Variants in TRPM3 observed in about 807,000 individuals in gnomAD.
The protein encoded by TRPM3 is long transient receptor potential channel 3.
TRPM3 carries 77 observed loss-of-function variants against 181.2 expected under a neutral mutation model. That is an observed-to-expected ratio of 0.42 (90% confidence interval 0.35 to 0.51). TRPM3 has a LOEUF of 0.51. Ranked by LOEUF, TRPM3 falls within the 20% of genes least tolerant of loss-of-function variation. The pLI is 0.01. For missense variants in TRPM3, 1,759 were observed against 2,196.7 expected, an observed-to-expected ratio of 0.80 and a Z score of 3.98; for synonymous variants, 745 against 796.4, an observed-to-expected ratio of 0.94 and a Z score of 1.09.
intron 1 of TRPM3, among the ~76,000 whole-genome samples, chr9:71,202,356 T>C (rs1015689257): frequency 6.6e-6 from 1 of 152,138 alleles, no homozygotes; most frequent in Non-Finnish European, 1.5e-5. Context: ...ACTGCTCTCT[T>C]CAAAGATGTC....
At chr9:70,789,859 C>T (rs977344446) in intron 6 of TRPM3, among the ~76,000 whole-genome samples, 26 of 152,206 alleles carry the variant, frequency 1.7e-4, no homozygotes, top group African/African-American at 6.0e-4. Flanking sequence ...CATTTTGTTT[C>T]AACTGCTAGG....
intron 1 of TRPM3, chr9:70,917,644 T>C: frequency 2.3e-6 from 1 of 428,428 alleles, no homozygotes. Context: ...ACAGAGTAAA[T>C]ACACAAAAAT....
At chr9:71,348,474 A>C (rs2132649551) in intron 1 of TRPM3, among the ~76,000 whole-genome samples, 1 of 150,340 alleles carries the variant, frequency 6.7e-6, no homozygotes, top group Non-Finnish European at 1.5e-5. Context: ...TTTTTTGCAG[A>C]TAGAGAAATT....
At chr9:71,136,842 ACT>A (rs2074795873) in intron 1 of TRPM3, among the ~76,000 whole-genome samples, 1 of 152,204 alleles carries the variant, frequency 6.6e-6, no homozygotes, top group Non-Finnish European at 1.5e-5. Context: ...CCCATGGCGC[ACT>A]TTGAAGACAG....
intron 1 of TRPM3, among the ~76,000 whole-genome samples, chr9:71,308,234 T>C (rs923031726): frequency 6.6e-6 from 1 of 152,168 alleles, no homozygotes; most frequent in Non-Finnish European, 1.5e-5. Flanking sequence ...ATAATTTATA[T>C]TTATATTCAA....
At chr9:70,672,376 T>C (rs1016364990) in intron 9 of TRPM3, among the ~76,000 whole-genome samples, 3 of 152,206 alleles carry the variant, frequency 2.0e-5, no homozygotes, top group Non-Finnish European at 4.4e-5. Context: ...TCATGATCAC[T>C]CTGTCTAACC....
intron 1 of TRPM3, among the ~76,000 whole-genome samples, chr9:71,029,817 A>T (rs1200511208): frequency 6.6e-6 from 1 of 152,222 alleles, no homozygotes; most frequent in Admixed American, 6.5e-5. Context: ...ACAAATAAAC[A>T]GATAACTGGA....
At chr9:70,917,148 G>T in intron 1 of TRPM3, 4 of 1,605,720 alleles carry the variant, frequency 2.5e-6, no homozygotes, top group Non-Finnish European at 3.4e-6. Context: ...GCCACATCTG[G>T]GGCATACTGG....
At chr9:70,914,859 C>A (rs1242948453) in intron 1 of TRPM3, among the ~76,000 whole-genome samples, 3 of 152,224 alleles carry the variant, frequency 2.0e-5, no homozygotes, top group Admixed American at 2.0e-4. Flanking sequence ...GACAGTACCT[C>A]CATGAGTTTG....
chr9:70,620,000 G>T, intron 16 of TRPM3, 76 bp downstream of exon 16: 2 of 1,452,162 alleles, frequency 1.4e-6, no homozygotes, highest in Non-Finnish European at 9.4e-7. Flanking sequence ...GTTCTGAGTA[G>T]CTCAGACTCT....
intron 1 of TRPM3, among the ~76,000 whole-genome samples, chr9:71,133,973 TTGTGTGTGTGTGTGTGTG>T (rs72198070): frequency 0.017 from 2,514 of 148,570 alleles, 82 homozygotes; most frequent in African/African-American, 0.058. Flanking sequence ...CTGTGTGTGT[TTGTGTGTGTGTGTGTGTG>T]TGTGTGTGTG....
chr9:71,029,432 A>G (rs1163496949), intron 1 of TRPM3, among the ~76,000 whole-genome samples: 5 of 152,208 alleles, frequency 3.3e-5, no homozygotes, highest in Admixed American at 3.3e-4. Flanking sequence ...GATGTACCCA[A>G]TTCAGTGTGG....
intron 22 of TRPM3, among the ~76,000 whole-genome samples, chr9:70,576,549 C>T (rs2054042087): frequency 6.7e-6 from 1 of 149,516 alleles, no homozygotes; most frequent in South Asian, 2.1e-4. Flanking sequence ...GAGGCTTGCT[C>T]GGTCGCCCAG....
intron 7 of TRPM3, chr9:70,774,924 C>T (rs1007995118): frequency 1.3e-5 from 2 of 152,146 alleles, no homozygotes; most frequent in African/African-American, 4.8e-5. Context: ...ATCTTGAAAT[C>T]CTACTTTAAT....
chr9:71,005,648 CT>C lies in TRPM3; in HGVS notation c.177+115529del, dbSNP rs1327776463. Among the ~76,000 whole-genome samples, 4 of 151,952 alleles carry C rather than the reference CT, an allele frequency of 2.6e-5. No homozygotes were observed. The East Asian group carries it at 7.7e-4, about 29-fold the overall frequency. On this transcript the variant is annotated intron_variant, in intron 1 of 25. Coordinates refer to ENST00000677713, the MANE Select transcript of TRPM3 (RefSeq NM_001366145.2). ...TCAAAGTACTGAGAGGAAAAAAAAA[CT>C]GTCAACCAAAAATACTGTACCCAGT...
intron 1 of TRPM3, among the ~76,000 whole-genome samples, chr9:71,082,727 T>A (rs1009919020): frequency 6.6e-6 from 1 of 152,074 alleles, no homozygotes. Flanking sequence ...GAAGTTAAAG[T>A]GATCTACATC....
chr9:70,541,833 T>A (rs564281065), intron 25 of TRPM3, among the ~76,000 whole-genome samples: 1 of 152,260 alleles, frequency 6.6e-6, no homozygotes, highest in South Asian at 2.1e-4. Context: ...TTAAAAAAAT[T>A]TTTTTGAGGC....
At chr9:70,566,530 C>G (rs1315740557) in intron 22 of TRPM3, among the ~76,000 whole-genome samples, 1 of 152,232 alleles carries the variant, frequency 6.6e-6, no homozygotes, top group South Asian at 2.1e-4. Context: ...AACAGTAAGG[C>G]GTTATTATTT....
chr9:70,816,807 G>A (rs1827147628), intron 6 of TRPM3, among the ~76,000 whole-genome samples: 1 of 152,194 alleles, frequency 6.6e-6, no homozygotes, highest in South Asian at 2.1e-4. Flanking sequence ...AAGGGGATCT[G>A]TTTAGGTTTG....
Sources: allele counts gnomAD v4.1 joint callset (sites outside exome capture counted in the v4.1 genomes callset), GRCh38; gene constraint gnomAD v4.1.1; transcripts MANE v1.5; gene names NCBI Gene and HGNC (gene_info 2026-07-23, HGNC 2026-07-21).